DLC1: variants seen among roughly 807,000 people sequenced by gnomAD.
DLC1 encodes the protein DLC1 Rho GTPase activating protein.
A neutral mutation model predicts 140.3 loss-of-function variants in DLC1; 54 were observed. That is an observed-to-expected ratio of 0.38 (90% CI 0.31 to 0.48). DLC1 has a LOEUF of 0.48. DLC1 is among the 20% of genes least tolerant of loss of function. DLC1 has a pLI of 0.96. For missense variants in DLC1, 2,536 were observed against 1,907.0 expected (o/e 1.33, Z -6.14); for synonymous variants, 986 against 728.1 (o/e 1.35, Z -5.70).
intron 4 of DLC1, among the ~76,000 whole-genome samples, chr8:13,362,372 C>T (rs758307961): frequency 1.3e-4 from 20 of 152,166 alleles, no homozygotes; most frequent in Admixed American, 2.6e-4. Context: ...GGCAGCAAAG[C>T]GTGAAATTAG....
At chr8:13,086,572 G>A (rs1817584168) in intron 16 of DLC1, 109 bp from the exon 17 acceptor site, 3 of 1,302,508 alleles carry the variant, frequency 2.3e-6, no homozygotes, top group Non-Finnish European at 3.2e-6. Flanking sequence ...CAGGCTCAGT[G>A]GCCATGCTGT....
At chr8:13,128,906 A>ATGATGGCAAGGCAGAACAAATTT (rs1821837413) in intron 5 of DLC1, among the ~76,000 whole-genome samples, 1 of 152,150 alleles carries the variant, frequency 6.6e-6, no homozygotes, top group Admixed American at 6.5e-5. Context: ...TCCATTAATT[A>ATGATGGCAAGGCAGAACAAATTT]TGATGGCAAG....
At chr8:13,307,262 C>A (rs2117530624) in intron 4 of DLC1, among the ~76,000 whole-genome samples, 1 of 152,158 alleles carries the variant, frequency 6.6e-6, no homozygotes. Context: ...GATTAAATGG[C>A]AGCTTGGGGG....
At chr8:13,585,974 T>C (rs1805292486) in intron 1 of DLC1, among the ~76,000 whole-genome samples, 1 of 152,180 alleles carries the variant, frequency 6.6e-6, no homozygotes, top group Admixed American at 6.5e-5. Flanking sequence ...TGCTTAGCCT[T>C]TCATTTTTAG....
intron 2 of DLC1, among the ~76,000 whole-genome samples, chr8:13,434,013 G>A (rs962581426): frequency 6.6e-6 from 1 of 152,066 alleles, no homozygotes; most frequent in Non-Finnish European, 1.5e-5. Flanking sequence ...GTGCCACCAT[G>A]CCCGGCTAAT....
intron 5 of DLC1, among the ~76,000 whole-genome samples, chr8:13,241,776 CA>C (rs1829555077): frequency 6.6e-6 from 1 of 152,140 alleles, no homozygotes; most frequent in South Asian, 2.1e-4. Context: ...ACACAAGAGG[CA>C]TTAACACGCT....
intron 4 of DLC1, among the ~76,000 whole-genome samples, chr8:13,370,630 G>C (rs1422017452): frequency 1.3e-5 from 2 of 152,198 alleles, no homozygotes; most frequent in African/African-American, 4.8e-5. Flanking sequence ...TGTAGGGCTG[G>C]CTTCAGGTGT....
chr8:13,351,834 T>A (rs896659239), intron 4 of DLC1, among the ~76,000 whole-genome samples: 4 of 152,262 alleles, frequency 2.6e-5, no homozygotes, highest in Non-Finnish European at 5.9e-5. Flanking sequence ...CCAATTTCAA[T>A]GGTTTCTATC....
chr8:13,175,687 G>A (rs369976700), intron 5 of DLC1, among the ~76,000 whole-genome samples: 42 of 152,150 alleles, frequency 2.8e-4, no homozygotes, highest in African/African-American at 8.9e-4. Context: ...CTAATAGACC[G>A]CAGACTTGAG....
At chr8:13,267,724 T>C (rs1007231236) in intron 5 of DLC1, among the ~76,000 whole-genome samples, 27 of 130,702 alleles carry the variant, frequency 2.1e-4, no homozygotes, top group Non-Finnish European at 3.5e-4. Context: ...ATGTGATTCC[T>C]GAGGAGTGTG....
chr8:13,361,773 C>T (rs1212704196), intron 4 of DLC1, among the ~76,000 whole-genome samples: 2 of 152,166 alleles, frequency 1.3e-5, no homozygotes, highest in African/African-American at 4.8e-5. Context: ...TAGAATCAAG[C>T]TTCTTGCTCA....
At chr8:13,107,337 A>G (rs560793721) in intron 7 of DLC1, among the ~76,000 whole-genome samples, 3 of 152,260 alleles carry the variant, frequency 2.0e-5, no homozygotes, top group African/African-American at 7.2e-5. Context: ...TCACAGGTAC[A>G]TGAACACTCT....
intron 2 of DLC1, among the ~76,000 whole-genome samples, chr8:13,483,016 A>C (rs1800806652): frequency 6.6e-6 from 1 of 152,196 alleles, no homozygotes; most frequent in South Asian, 2.1e-4. Flanking sequence ...TCTAGGGGCC[A>C]GAAGTCAAAG....
intron 5 of DLC1, among the ~76,000 whole-genome samples, chr8:13,240,678 C>G (rs942527235): frequency 6.6e-6 from 1 of 152,192 alleles, no homozygotes; most frequent in African/African-American, 2.4e-5. Context: ...AGCAGTCCTT[C>G]CACCTAGACC....
chr8:13,104,804 G>A (rs914070748), intron 7 of DLC1, among the ~76,000 whole-genome samples: 2 of 152,158 alleles, frequency 1.3e-5, no homozygotes, highest in African/African-American at 2.4e-5. Flanking sequence ...AGCCCAGAGC[G>A]CCTAGGTTCA....
At chr8:13,246,111 A>C (rs751479259) in intron 5 of DLC1, among the ~76,000 whole-genome samples, 5 of 152,204 alleles carry the variant, frequency 3.3e-5, no homozygotes, top group Admixed American at 6.5e-5. Context: ...TACAGAAGGC[A>C]ATGGGGCTGA....
At chr8:13,577,159 G>C (rs1358013541) in intron 1 of DLC1, among the ~76,000 whole-genome samples, 2 of 152,108 alleles carry the variant, frequency 1.3e-5, no homozygotes, top group Non-Finnish European at 2.9e-5. Flanking sequence ...AGAAACAGTG[G>C]GGATAAACAT....
At chr8:13,590,422 C>G (rs755395153) in intron 1 of DLC1, among the ~76,000 whole-genome samples, 3 of 151,972 alleles carry the variant, frequency 2.0e-5, no homozygotes, top group Non-Finnish European at 4.4e-5. Flanking sequence ...ATGCAGAAAT[C>G]AATATTCTCA....
chr8:13,412,261 A>G (rs550432183), intron 2 of DLC1, among the ~76,000 whole-genome samples: 1 of 152,170 alleles, frequency 6.6e-6, no homozygotes, highest in Non-Finnish European at 1.5e-5. Context: ...TTTTTTTCAT[A>G]AAAAAGAAAT....
Sources: gnomAD v4.1 joint callset for allele counts (sites outside exome capture counted in the v4.1 genomes callset) on GRCh38, gnomAD v4.1.1 for gene constraint, MANE v1.5 for transcripts, NCBI Gene and HGNC (gene_info 2026-07-23, HGNC 2026-07-21) for gene names.